Variants in DENND1B observed in about 807,000 individuals in gnomAD.
The protein encoded by DENND1B is DENN domain containing 1B.
Under a neutral mutation model 90.1 loss-of-function variants are expected in DENND1B, and 59 were observed. The ratio of observed to expected loss-of-function variants is 0.65; its 90% CI spans 0.53 to 0.81. The LOEUF is 0.81. DENND1B is among the 40% of genes least tolerant of loss of function. The pLI is 0.00. For missense variants in DENND1B, 862 were observed against 912.6 expected, an observed-to-expected ratio of 0.94 and a Z score of 0.71; for synonymous variants, 337 against 324.6, an observed-to-expected ratio of 1.04 and a Z score of -0.41.
At chr1:197,717,865 A>G (rs1571482581) in intron 2 of DENND1B, among the ~76,000 whole-genome samples, 1 of 151,178 alleles carries the variant, frequency 6.6e-6, no homozygotes, top group South Asian at 2.1e-4. Context: ...CAAAAGGATA[A>G]TATTTACTTA....
At position 197,699,645 on chromosome 1, in the gene DENND1B, T is replaced by C. The variant is rs532959127; in HGVS notation, c.126+15386A>G. 3.3e-5 allele frequency among the ~76,000 whole-genome samples: 5 copies of C among 152,248 alleles called. No homozygotes were observed. The East Asian group carries it at 9.6e-4, about 29-fold the overall frequency. On this transcript the variant is annotated intron_variant, in intron 3 of 22. Coordinates refer to ENST00000620048, the MANE Select transcript of DENND1B (RefSeq NM_001195215.2). ...CTGTGTCTGTTTACAGACAACATGA[T>C]TTTATATTTAGAAAACCCCATCATC...
At chr1:197,759,987 T>C (rs1048434645) in intron 2 of DENND1B, among the ~76,000 whole-genome samples, 2 of 152,158 alleles carry the variant, frequency 1.3e-5, no homozygotes, top group African/African-American at 4.8e-5. Flanking sequence ...ATACTTAAAA[T>C]TGTTTTAAAA....
intron 20 of DENND1B, among the ~76,000 whole-genome samples, chr1:197,527,175 A>G (rs915234689): frequency 6.6e-6 from 1 of 152,172 alleles, no homozygotes; most frequent in Non-Finnish European, 1.5e-5. Flanking sequence ...ATTAGTCTAC[A>G]TATATCTTTG....
At chr1:197,527,001 A>C (rs1270208935) in intron 20 of DENND1B, among the ~76,000 whole-genome samples, 1 of 152,198 alleles carries the variant, frequency 6.6e-6, no homozygotes, top group South Asian at 2.1e-4. Flanking sequence ...TTTAAAACAA[A>C]CATTTAATTA....
At chr1:197,750,249 A>G (rs902059332) in intron 2 of DENND1B, among the ~76,000 whole-genome samples, 1 of 152,354 alleles carries the variant, frequency 6.6e-6, no homozygotes, top group South Asian at 2.1e-4. Context: ...TTATACTCAC[A>G]GTGGCATAAT....
intron 2 of DENND1B, among the ~76,000 whole-genome samples, chr1:197,766,817 T>G (rs1306204019): frequency 2.0e-5 from 3 of 151,900 alleles, no homozygotes; most frequent in African/African-American, 7.3e-5. Flanking sequence ...AGAGATAGAG[T>G]CTCCCTCTGT....
chr1:197,771,339 T>C (rs569388616), intron 2 of DENND1B, among the ~76,000 whole-genome samples: 24 of 152,376 alleles, frequency 1.6e-4, no homozygotes, highest in African/African-American at 3.8e-4. Flanking sequence ...AAACATAATG[T>C]ATCCATTTGA....
At chr1:197,713,782 A>AT (rs1660220793) in intron 3 of DENND1B, among the ~76,000 whole-genome samples, 1 of 63,398 alleles carries the variant, frequency 1.6e-5, no homozygotes, top group African/African-American at 6.7e-5. Flanking sequence ...TTATTATATT[A>AT]TATTATAATA....
In DENND1B at chr1:197,607,074, A is replaced by T. The variant is rs781735568; in HGVS notation, c.920T>A (p.Val307Glu). The change falls in exon 13 of 23, where the codon GTG (valine) becomes GAG (glutamate). Residue 307 changes from valine to glutamate, a missense_variant and splice_region_variant. Coordinates refer to ENST00000620048, the MANE Select transcript of DENND1B (RefSeq NM_001195215.2). ...FSDLNNLPSD[V>E]VSALKNKLKK... ...CCACTGAATAGCCTTCATACTTACC[A>T]CATCACTTGGTAGGTTGTTCAAGTC... is the stretch of plus-strand genomic sequence containing the variant. 22 of 1,602,394 alleles carry T rather than the reference A, an allele frequency of 1.4e-5. No homozygotes were observed. Among genetic ancestry groups the T allele is most frequent in the Non-Finnish European group, 1.9e-5 (22 of 1,172,098 alleles).
chr1:197,517,602 G>C (rs1400711622), intron 20 of DENND1B, among the ~76,000 whole-genome samples: 1 of 151,878 alleles, frequency 6.6e-6, no homozygotes, highest in Admixed American at 6.6e-5. Context: ...CTGTCTTGTA[G>C]AATGTTACAG....
intron 2 of DENND1B, among the ~76,000 whole-genome samples, chr1:197,719,967 T>A (rs1661004082): frequency 6.6e-6 from 1 of 152,110 alleles, no homozygotes; most frequent in Non-Finnish European, 1.5e-5. Flanking sequence ...ATAGCTGAAG[T>A]CTGGGTCTTC....
chr1:197,668,997 A>G (rs1655219139), intron 5 of DENND1B, among the ~76,000 whole-genome samples: 1 of 151,976 alleles, frequency 6.6e-6, no homozygotes, highest in African/African-American at 2.4e-5. Flanking sequence ...ATAGCTGCAT[A>G]TATTATTTAC....
chr1:197,764,506 T>C (rs1046150012), intron 2 of DENND1B, among the ~76,000 whole-genome samples: 100 of 152,294 alleles, frequency 6.6e-4, no homozygotes, highest in African/African-American at 2.3e-3. Context: ...ACTGAATTAA[T>C]ACTCTGACTA....
chr1:197,762,256 G>T (rs1039156589), intron 2 of DENND1B, among the ~76,000 whole-genome samples: 31 of 152,014 alleles, frequency 2.0e-4, no homozygotes, highest in Non-Finnish European at 3.8e-4. Context: ...ACACCAAAAG[G>T]CTTATTAGTC....
Position 197,607,682 on chromosome 1 carries a change from G to A in DENND1B, c.820-508C>T, listed in dbSNP as rs74413443. On this transcript the variant is annotated intron_variant, in intron 12 of 22. Transcript: ENST00000620048. Reference sequence around the variant, plus strand: ...TGAGGACTGAAAGCTGAATAAGAGAGAATAAAAGGATAGCAATATGGAATT... The same window carrying A: ...TGAGGACTGAAAGCTGAATAAGAGAAAATAAAAGGATAGCAATATGGAATT... Among the ~76,000 whole-genome samples, 894 of 150,712 alleles carry A rather than the reference G, an allele frequency of 5.9e-3. 13 individuals carry two copies. Among genetic ancestry groups the A allele is most frequent in the African/African-American group, 0.02 (834 of 41,360 alleles).
At chr1:197,751,026 G>A (rs1243394602) in intron 2 of DENND1B, among the ~76,000 whole-genome samples, 2 of 152,098 alleles carry the variant, frequency 1.3e-5, no homozygotes, top group Admixed American at 6.5e-5. Context: ...CCCAGTAAGT[G>A]AAAGAAACAG....
chr1:197,736,011 T>C, intron 2 of DENND1B: 2 of 995,186 alleles, frequency 2.0e-6, no homozygotes, highest in South Asian at 2.7e-5. Context: ...CTAAAAACAC[T>C]GCAATGGCTG....
intron 20 of DENND1B, 119 bp from the exon 21 acceptor site, chr1:197,513,072 G>T: frequency 2.7e-6 from 2 of 730,834 alleles, no homozygotes; most frequent in Non-Finnish European, 4.3e-6. Flanking sequence ...ATGCATTCAG[G>T]GTTTTTGAAT....
At chr1:197,736,069 C>T in intron 2 of DENND1B, 2 of 835,092 alleles carry the variant, frequency 2.4e-6, no homozygotes, top group Non-Finnish European at 4.0e-6. Context: ...GATTGTGAAG[C>T]CCGTGAAAGT....
Sources: allele counts gnomAD v4.1 joint callset (sites outside exome capture counted in the v4.1 genomes callset), GRCh38; gene constraint gnomAD v4.1.1; transcripts MANE v1.5; gene names NCBI Gene and HGNC (gene_info 2026-07-23, HGNC 2026-07-21).